Variants in PTPRG observed in about 807,000 individuals in gnomAD.
PTPRG encodes receptor-type tyrosine-protein phosphatase gamma.
PTPRG carries 102 observed loss-of-function variants against 165.3 expected under a neutral mutation model. The observed-to-expected ratio is 0.62, with a 90% CI of 0.53 to 0.73. The LOEUF (loss-of-function observed/expected upper bound fraction) is 0.73, where lower values mean the gene tolerates loss of function less well. Ranked by LOEUF, PTPRG falls within the 30% of genes least tolerant of loss-of-function variation. PTPRG has a pLI of 0.00. For synonymous variants in PTPRG, 675 were observed against 669.5 expected (o/e 1.01, Z -0.13); for missense variants, 1,866 against 1,861.4 (o/e 1.00, Z -0.05).
At chr3:62,018,510 A>G (rs1326787988) in intron 4 of PTPRG, among the ~76,000 whole-genome samples, 1 of 152,192 alleles carries the variant, frequency 6.6e-6, no homozygotes, top group Non-Finnish European at 1.5e-5. Context: ...CAGTTGGCCA[A>G]TCCTCTAAAT....
At chr3:61,730,258 C>CACTA (rs56692673) in intron 1 of PTPRG, among the ~76,000 whole-genome samples, 52,906 of 151,808 alleles carry the variant, frequency 0.35, 10,067 homozygotes, top group East Asian at 0.75. Context: ...CGTGCTTTTA[C>CACTA]ACTGTCATTA....
intron 1 of PTPRG, among the ~76,000 whole-genome samples, chr3:61,611,514 G>A (rs959668307): frequency 6.6e-6 from 1 of 152,200 alleles, no homozygotes; most frequent in Admixed American, 6.5e-5. Context: ...TTTTGGAGAA[G>A]GGAGCCTGTT....
chr3:62,133,636 T>A (rs890878161), intron 6 of PTPRG, among the ~76,000 whole-genome samples: 1 of 152,178 alleles, frequency 6.6e-6, no homozygotes, highest in African/African-American at 2.4e-5. Context: ...ATAGTAAACC[T>A]ACTCAGTGTA....
intron 5 of PTPRG, chr3:62,118,233 T>G (rs1216217027): frequency 6.6e-6 from 1 of 152,254 alleles, no homozygotes. Flanking sequence ...GGCCATGAGC[T>G]CTCTGTTCCA....
intron 1 of PTPRG, among the ~76,000 whole-genome samples, chr3:61,606,610 A>C (rs1000038430): frequency 2.0e-5 from 3 of 152,140 alleles, no homozygotes; most frequent in Non-Finnish European, 4.4e-5. Flanking sequence ...TAAAGAAGAG[A>C]AATTAATTTT....
chr3:61,652,506 T>C (rs541841579), intron 1 of PTPRG, among the ~76,000 whole-genome samples: 1 of 152,182 alleles, frequency 6.6e-6, no homozygotes, highest in African/African-American at 2.4e-5. Flanking sequence ...CTTTGGGTCA[T>C]GGACTGGGCT....
At chr3:61,657,894 C>G (rs1054807554) in intron 1 of PTPRG, among the ~76,000 whole-genome samples, 1 of 152,128 alleles carries the variant, frequency 6.6e-6, no homozygotes, top group South Asian at 2.1e-4. Flanking sequence ...TTGTACTTTG[C>G]TTGTTAAACA....
intron 1 of PTPRG, among the ~76,000 whole-genome samples, chr3:61,748,191 A>G (rs1334044878): frequency 1.3e-5 from 2 of 152,162 alleles, no homozygotes; most frequent in African/African-American, 4.8e-5. Flanking sequence ...GGTGACTGTT[A>G]GTGGCCCAAA....
chr3:61,630,126 G>T (rs924458963), intron 1 of PTPRG, among the ~76,000 whole-genome samples: 1 of 152,204 alleles, frequency 6.6e-6, no homozygotes, highest in Admixed American at 6.5e-5. Context: ...TTGGTTGATT[G>T]GATGTGTGCT....
At chr3:62,108,653 T>C (rs564299292) in intron 5 of PTPRG, among the ~76,000 whole-genome samples, 1 of 152,336 alleles carries the variant, frequency 6.6e-6, no homozygotes, top group Non-Finnish European at 1.5e-5. Context: ...TAATTTACAC[T>C]CCCTCCAACA....
At chr3:61,661,608 TC>T (rs1702670499) in intron 1 of PTPRG, among the ~76,000 whole-genome samples, 2 of 152,248 alleles carry the variant, frequency 1.3e-5, no homozygotes, top group African/African-American at 4.8e-5. Context: ...CAAGTTTATT[TC>T]ATTTTTGTAT....
At chr3:61,681,066 A>AG (rs1300052500) in intron 1 of PTPRG, among the ~76,000 whole-genome samples, 3 of 150,790 alleles carry the variant, frequency 2.0e-5, no homozygotes, top group Admixed American at 1.3e-4. Context: ...AAAAAAAAAA[A>AG]AAAAAAAAAA....
intron 2 of PTPRG, among the ~76,000 whole-genome samples, chr3:61,820,068 T>G (rs2035906527): frequency 6.6e-6 from 1 of 152,176 alleles, no homozygotes; most frequent in Non-Finnish European, 1.5e-5. Flanking sequence ...CATAGGATGT[T>G]GAATCACTCA....
intron 1 of PTPRG, among the ~76,000 whole-genome samples, chr3:61,628,363 C>T (rs1319977191): frequency 1.3e-5 from 2 of 152,028 alleles, no homozygotes; most frequent in African/African-American, 2.4e-5. Context: ...GTTGCCCAGG[C>T]TGGAGTGCAG....
At chr3:61,577,079 C>T (rs1381895784) in intron 1 of PTPRG, among the ~76,000 whole-genome samples, 2 of 152,118 alleles carry the variant, frequency 1.3e-5, no homozygotes, top group African/African-American at 2.4e-5. Context: ...TTGTTTATAC[C>T]TGACAGAGTA....
rs537278088 is a variant in PTPRG, at chr3:61,808,011, G to A, written c.190+59029G>A. 9.8e-5 allele frequency among the ~76,000 whole-genome samples: 15 copies of A among 152,308 alleles called. No individual in the cohort carries two copies. In the South Asian group the frequency reaches 3.1e-3, roughly 32 times the overall value. ...TGTTTATCAGATTATTGAAGGGCAA[G>A]CTGCTTTCCTCAGAACGTGCTTGCT... On this transcript the variant is annotated intron_variant, in intron 2 of 29. Transcript: ENST00000474889.
chr3:61,721,216 G>A (rs1008661304), intron 1 of PTPRG, among the ~76,000 whole-genome samples: 11 of 152,156 alleles, frequency 7.2e-5, no homozygotes, highest in Non-Finnish European at 1.5e-4. Context: ...ACTGTTCCAG[G>A]TGGGTGACTA....
rs993146804 is a variant in PTPRG, at chr3:62,240,936, A to T, written c.2376-2871A>T. Among the ~76,000 whole-genome samples the T allele has an allele frequency of 6.6e-6, 1 of 152,182 alleles. No individual in the cohort carries two copies. The highest frequency in any genetic ancestry group is 2.4e-5 in the African/African-American group (1 of 41,442). On this transcript the variant is annotated intron_variant, in intron 14 of 29. Transcript: ENST00000474889. The surrounding 1 kb of genome is among the most constrained non-coding windows in gnomAD (Gnocchi z 5.1). ...GTGGATTTTTCCCCATGAAGACATA[A>T]ATACTAGGAGAGTAGGTGCCTTGTG...
At chr3:61,739,621 A>C (rs2032901981) in intron 1 of PTPRG, among the ~76,000 whole-genome samples, 1 of 152,210 alleles carries the variant, frequency 6.6e-6, no homozygotes. Context: ...CCTTTTCTGA[A>C]TAATTGTACC....
Sources: allele counts gnomAD v4.1 joint callset (sites outside exome capture counted in the v4.1 genomes callset), GRCh38; gene constraint gnomAD v4.1.1; non-coding constraint Gnocchi (gnomAD v3.1); transcripts MANE v1.5; gene names NCBI Gene and HGNC (gene_info 2026-07-23, HGNC 2026-07-21).